Variants in SEC24A observed in about 807,000 individuals in gnomAD.
The protein encoded by SEC24A is SEC24 homolog A, COPII component, also known as protein transport protein Sec24A.
SEC24A carries 93 observed loss-of-function variants against 129.4 expected under a neutral mutation model. The observed-to-expected ratio is 0.72, with a 90% CI of 0.61 to 0.85. SEC24A has a LOEUF of 0.85. SEC24A is among the 40% of genes least tolerant of loss of function. SEC24A has a pLI of 0.00. For missense variants in SEC24A, 1,264 were observed against 1,307.4 expected (o/e 0.97, Z 0.51); for synonymous variants, 460 against 467.3 (o/e 0.98, Z 0.20).
intron 1 of SEC24A, among the ~76,000 whole-genome samples, chr5:134,649,845 GTCT>G: frequency 6.6e-6 from 1 of 152,334 alleles, no homozygotes. Flanking sequence ...ATGTGAGAAT[GTCT>G]TATAATTTTA....
At chr5:134,658,828 G>A (rs1580679208) in intron 1 of SEC24A, among the ~76,000 whole-genome samples, 1 of 152,214 alleles carries the variant, frequency 6.6e-6, no homozygotes, top group South Asian at 2.1e-4. Context: ...GATGATATCT[G>A]TTTAGGTGTG....
chr5:134,699,569 G>A (rs1580725418), intron 15 of SEC24A, among the ~76,000 whole-genome samples: 1 of 152,204 alleles, frequency 6.6e-6, no homozygotes, highest in East Asian at 1.9e-4. Flanking sequence ...AAAGTGCTGG[G>A]ATTACAGGCA....
At position 134,667,565 on chromosome 5, in the gene SEC24A, A is replaced by G. The variant is rs577555904; in HGVS notation, c.739+569A>G. 5.3e-5 allele frequency among the ~76,000 whole-genome samples: 8 copies of G among 151,288 alleles called. No individual in the cohort carries two copies. The South Asian group carries it at 1.7e-3, about 32-fold the overall frequency. On this transcript the variant is annotated intron_variant, in intron 3 of 22. Coordinates refer to ENST00000398844, the MANE Select transcript of SEC24A (RefSeq NM_021982.3). ...GCTACTCTGGAGGCTGAGGCAGAAG[A>G]ATGGCGTGAACCCGGGAGGCGGAGC...
At chr5:134,712,067 A>G (rs1320243990) in intron 18 of SEC24A, among the ~76,000 whole-genome samples, 1 of 151,326 alleles carries the variant, frequency 6.6e-6, no homozygotes, top group East Asian at 2.0e-4. Flanking sequence ...TCCTGACCTC[A>G]ATGATCCACT....
At chr5:134,664,574 T>TTTGTGGC (rs1750587461) in intron 2 of SEC24A, among the ~76,000 whole-genome samples, 1 of 152,172 alleles carries the variant, frequency 6.6e-6, no homozygotes, top group Admixed American at 6.6e-5. Flanking sequence ...AGGTTACATC[T>TTTGTGGC]TTGTGGCCAG....
intron 3 of SEC24A, among the ~76,000 whole-genome samples, chr5:134,668,674 C>T (rs191100620): frequency 6.6e-6 from 1 of 151,668 alleles, no homozygotes; most frequent in East Asian, 1.9e-4. Context: ...TGCAGTGAGC[C>T]AAGATGGCAT....
At chr5:134,723,535 A>G in intron 21 of SEC24A, 32 bp from the exon 22 acceptor site, 1 of 1,255,848 alleles carries the variant, frequency 8.0e-7, no homozygotes, top group Non-Finnish European at 1.2e-6. Flanking sequence ...ATGTAATTAA[A>G]GTAATTGGAT....
intron 18 of SEC24A, among the ~76,000 whole-genome samples, chr5:134,714,586 T>C (rs1348342892): frequency 1.3e-5 from 2 of 152,238 alleles, no homozygotes; most frequent in Non-Finnish European, 2.9e-5. Flanking sequence ...AATTATCTTC[T>C]GCGAAACCAG....
At chr5:134,711,720 G>A (rs1261073226) in intron 18 of SEC24A, among the ~76,000 whole-genome samples, 2 of 150,092 alleles carry the variant, frequency 1.3e-5, no homozygotes, top group African/African-American at 4.9e-5. Flanking sequence ...TAGTAGAGAC[G>A]GGGTTTCACC....
chr5:134,662,683 T>C (rs568299628), intron 2 of SEC24A, among the ~76,000 whole-genome samples: 1 of 152,332 alleles, frequency 6.6e-6, no homozygotes, highest in South Asian at 2.1e-4. Context: ...TGAATGCATT[T>C]TGGCCTTGTA....
intron 1 of SEC24A, among the ~76,000 whole-genome samples, chr5:134,655,345 A>G (rs964073408): frequency 6.6e-6 from 1 of 152,064 alleles, no homozygotes; most frequent in Non-Finnish European, 1.5e-5. Context: ...ACACATCCCA[A>G]AATTGTCCTT....
intron 16 of SEC24A, among the ~76,000 whole-genome samples, chr5:134,704,760 G>C (rs1752101503): frequency 6.6e-6 from 1 of 150,702 alleles, no homozygotes; most frequent in Admixed American, 6.7e-5. Context: ...TTATGATTGT[G>C]CCACTGCAGT....
intron 18 of SEC24A, among the ~76,000 whole-genome samples, 187 bp from the exon 19 acceptor site, chr5:134,714,835 CTT>C (rs1392447418): frequency 1.3e-5 from 2 of 152,088 alleles, no homozygotes; most frequent in Non-Finnish European, 2.9e-5. Context: ...TTTCAAAAGA[CTT>C]TTAGGTGGGG....
At chr5:134,699,453 C>T (rs1448107471) in intron 15 of SEC24A, among the ~76,000 whole-genome samples, 1 of 151,824 alleles carries the variant, frequency 6.6e-6, no homozygotes, top group Non-Finnish European at 1.5e-5. Context: ...CGCCTGCCAC[C>T]ATGCCCAGCT....
chr5:134,682,563 A>AATTTT (rs1270834499), intron 9 of SEC24A, 81 bp downstream of exon 9: 10 of 687,310 alleles, frequency 1.5e-5, no homozygotes, highest in Admixed American at 8.2e-5. Flanking sequence ...CCTGTAACAA[A>AATTTT]ATTTTATTTT....
At position 134,661,474 on chromosome 5, in the gene SEC24A, T is replaced by A; in HGVS notation, c.453T>A (p.His151Gln). 1.2e-6 allele frequency: 2 copies of A among 1,614,158 alleles called. No individual in the cohort carries two copies. The highest frequency in any genetic ancestry group is 8.5e-7 in the Non-Finnish European group (1 of 1,180,014). Residue 151 changes from histidine (H) to glutamine (Q), a missense_variant, in exon 2 of 23, where the codon CAT (histidine) becomes CAA (glutamine). Coordinates refer to ENST00000398844, the MANE Select transcript of SEC24A (RefSeq NM_021982.3). ...NYPSTASQTN[H>Q]CPRASSQPTV... ...CATCCACAGCCTCACAAACAAACCA[T>A]TGTCCTCGTGCATCATCCCAACCAA...
At chr5:134,660,472 T>C (rs1210653767) in intron 1 of SEC24A, among the ~76,000 whole-genome samples, 1 of 152,130 alleles carries the variant, frequency 6.6e-6, no homozygotes, top group Admixed American at 6.6e-5. Context: ...CCTATTTTTA[T>C]CCAAGTGACC....
chr5:134,725,334 C>A lies in SEC24A; in HGVS notation c.*240C>A, dbSNP rs1752733986. 3.2e-6 allele frequency: 1 copy of A among 315,024 alleles called. No homozygotes were observed. The highest frequency in any genetic ancestry group is 5.7e-6 in the Non-Finnish European group (1 of 174,152). The allele number at this position is 315,024 out of a possible 1,614,324, so 19.5% of individuals were successfully genotyped here. A position where few individuals can be genotyped will look rare whatever the true frequency, so the allele number is the denominator to read the frequency against. ...GCTACGTATGATTGGATACTTTTTT[C>A]TTGCCAATTATGTTTGAGTTGTTAT... On this transcript the variant is annotated 3_prime_UTR_variant, in exon 23 of 23. Transcript: ENST00000398844.
intron 13 of SEC24A, among the ~76,000 whole-genome samples, chr5:134,695,522 C>G (rs1351191087): frequency 6.6e-6 from 1 of 152,044 alleles, no homozygotes; most frequent in Non-Finnish European, 1.5e-5. Flanking sequence ...CATGGTGGCT[C>G]ACGCCTGTAA....
Sources: allele counts gnomAD v4.1 joint callset (sites outside exome capture counted in the v4.1 genomes callset), GRCh38; gene constraint gnomAD v4.1.1; transcripts MANE v1.5; gene names NCBI Gene and HGNC (gene_info 2026-07-23, HGNC 2026-07-21).